Variants in NCOR2 observed in about 807,000 individuals in gnomAD.
NCOR2 encodes CTG repeat protein 26.
A neutral mutation model predicts 262.9 loss-of-function variants in NCOR2; 81 were observed. That is an observed-to-expected ratio of 0.31 (90% CI 0.26 to 0.37). The LOEUF (loss-of-function observed/expected upper bound fraction) is 0.37, where lower values mean the gene tolerates loss of function less well. NCOR2 is among the 10% of genes least tolerant of loss of function. NCOR2 has a pLI of 1.00. For missense variants in NCOR2, 3,385 were observed against 3,621.4 expected (o/e 0.93, Z 1.68); for synonymous variants, 1,659 against 1,559.3 (o/e 1.06, Z -1.51).
chr12:124,413,856 C>A (rs1010960078), intron 13 of NCOR2, among the ~76,000 whole-genome samples: 12 of 152,270 alleles, frequency 7.9e-5, no homozygotes, highest in Middle Eastern at 3.4e-3. Flanking sequence ...TGGCCAGCTG[C>A]TGTCCCCAGG....
chr12:124,537,044 C>T (rs766009021), upstream of NCOR2, among the ~76,000 whole-genome samples: 15 of 152,194 alleles, frequency 9.9e-5, no homozygotes, highest in Non-Finnish European at 2.1e-4. Context: ...TTCAAGGCTG[C>T]AGACTCTATG....
intron 20 of NCOR2, 63 bp downstream of exon 22, chr12:124,371,959 G>C (rs1398354912): frequency 1.4e-6 from 2 of 1,471,964 alleles, no homozygotes; most frequent in African/African-American, 2.8e-5. Context: ...TGTCTAAGTA[G>C]GTAGTCGCTG....
intron 27 of NCOR2, among the ~76,000 whole-genome samples, chr12:124,351,255 G>A (rs973093615): frequency 1.3e-5 from 2 of 152,170 alleles, no homozygotes; most frequent in African/African-American, 4.8e-5. Flanking sequence ...CCGTGACCAC[G>A]TCATGCACTT....
chr12:124,382,048 C>T (rs1237484317), intron 17 of NCOR2, among the ~76,000 whole-genome samples: 1 of 152,242 alleles, frequency 6.6e-6, no homozygotes, highest in Non-Finnish European at 1.5e-5. Context: ...CCTTCCTTCT[C>T]TGGCCAAGGG....
intron 2 of NCOR2, among the ~76,000 whole-genome samples, chr12:124,485,262 T>C (rs1292338166): frequency 6.6e-6 from 1 of 152,204 alleles, no homozygotes; most frequent in African/African-American, 2.4e-5. Flanking sequence ...CCTAGGGTCA[T>C]TGCAGATGGA....
intron 43 of NCOR2, 58 bp from the exon 46 acceptor site, chr12:124,330,956 A>G: frequency 6.5e-7 from 1 of 1,538,030 alleles, no homozygotes; most frequent in Non-Finnish European, 8.8e-7. Flanking sequence ...TACCTGCCCT[A>G]CCAGTCCCGT....
chr12:124,487,501 T>C (rs1260903906), intron 1 of NCOR2, among the ~76,000 whole-genome samples: 2 of 152,266 alleles, frequency 1.3e-5, no homozygotes, highest in Admixed American at 6.5e-5. Flanking sequence ...GCCTCGGCCT[T>C]GGCCTTGGCC....
At position 124,495,208 on chromosome 12, in the gene NCOR2, G is replaced by A. The variant is rs374998878; in HGVS notation, c.44C>T (p.Thr15Ile). 3 of 1,613,764 alleles carry A rather than the reference G, an allele frequency of 1.9e-6. No homozygotes were observed. The highest frequency in any genetic ancestry group is 2.5e-6 in the Non-Finnish European group (3 of 1,179,928). The change falls in exon 1 of 47, where the codon ACT becomes ATT. Residue 15 changes from threonine to isoleucine, a missense_variant. Coordinates refer to ENST00000405201, the Ensembl canonical transcript of NCOR2. This position sits in a 1 kb window ranked among gnomAD's most constrained non-coding sequence, Gnocchi z 4.4. ...GCTGTGGGGCGGGTAGCGGGGCTCA[G>A]TGGCCCTCCACGTCTGTGCCACAGG... is the stretch of plus-strand genomic sequence containing the variant.
chr12:124,469,532 A>G (rs983773596), intron 4 of NCOR2, among the ~76,000 whole-genome samples: 2 of 152,158 alleles, frequency 1.3e-5, no homozygotes, highest in African/African-American at 4.8e-5. Flanking sequence ...CTCAGGTACT[A>G]GAGAAAATAC....
intron 6 of NCOR2, among the ~76,000 whole-genome samples, chr12:124,450,493 G>A (rs1355401005): frequency 1.3e-5 from 2 of 152,122 alleles, no homozygotes; most frequent in African/African-American, 4.8e-5. Flanking sequence ...ACCAGGAGAC[G>A]GGCGCTAGGA....
chr12:124,551,779 A>C (rs1011085787), intron 1 of NCOR2, among the ~76,000 whole-genome samples: 3 of 152,166 alleles, frequency 2.0e-5, no homozygotes, highest in African/African-American at 7.2e-5. Context: ...GCCTGGGGGA[A>C]GGAGGCGCGG....
intron 4 of NCOR2, among the ~76,000 whole-genome samples, chr12:124,470,504 C>T (rs2046779603): frequency 6.6e-6 from 1 of 152,188 alleles, no homozygotes; most frequent in South Asian, 2.1e-4. Flanking sequence ...GAATATGTTT[C>T]AGCCATAAAA....
intron 4 of NCOR2, among the ~76,000 whole-genome samples, chr12:124,469,369 G>A (rs2046711500): frequency 6.6e-6 from 1 of 152,132 alleles, no homozygotes; most frequent in Non-Finnish European, 1.5e-5. Flanking sequence ...AACTGCCTCA[G>A]TCCCACAGCG....
exon 38 of NCOR2, chr12:124,336,824 G>A: frequency 6.2e-7 from 1 of 1,613,132 alleles, no homozygotes; most frequent in Non-Finnish European, 8.5e-7. Context: ...CGGGTCCGAG[G>A]CCGAGGCAGG....
chr12:124,379,808 G>A (rs1016590692), intron 17 of NCOR2, among the ~76,000 whole-genome samples: 3 of 152,246 alleles, frequency 2.0e-5, no homozygotes, highest in African/African-American at 7.2e-5. Context: ...CAACAGGACT[G>A]ACAGCCTTGG....
chr12:124,456,769 C>T (rs1193377638), intron 6 of NCOR2, among the ~76,000 whole-genome samples: 5 of 152,226 alleles, frequency 3.3e-5, no homozygotes, highest in Non-Finnish European at 7.3e-5. Context: ...ACCGGCTCTC[C>T]GCGCTCAGCT....
At chr12:124,543,196 G>A (rs972070285) in intron 1 of NCOR2, among the ~76,000 whole-genome samples, 15 of 152,272 alleles carry the variant, frequency 9.9e-5, no homozygotes, top group African/African-American at 3.6e-4. Context: ...GGGATGGGCC[G>A]CAGCCCCGTC....
At chr12:124,453,887 C>T (rs990886970) in intron 6 of NCOR2, among the ~76,000 whole-genome samples, 61 of 152,234 alleles carry the variant, frequency 4.0e-4, no homozygotes, top group Admixed American at 2.0e-4. Context: ...TATTTTCATC[C>T]TTTCCAATGC....
In NCOR2 at chr12:124,409,514, C is replaced by T. The variant is rs535601117; in HGVS notation, c.1483-6953G>A. 3.3e-5 allele frequency among the ~76,000 whole-genome samples: 5 copies of T among 152,368 alleles called. No homozygotes were observed. The South Asian group carries it at 1.0e-3, about 32-fold the overall frequency. On this transcript the variant is annotated intron_variant, in intron 13 of 46. Transcript: ENST00000405201. Reference sequence around the variant, plus strand: ...CCCAGCAGTGGCCTCCTGACCCTGGCTTACATGTTTGCCCTTCAACACTCT... The same window carrying T: ...CCCAGCAGTGGCCTCCTGACCCTGGTTTACATGTTTGCCCTTCAACACTCT...
Sources: gnomAD v4.1 joint callset for allele counts (sites outside exome capture counted in the v4.1 genomes callset) on GRCh38, gnomAD v4.1.1 for gene constraint, Gnocchi (gnomAD v3.1) non-coding constraint, MANE v1.5 for transcripts, NCBI Gene and HGNC (gene_info 2026-07-23, HGNC 2026-07-21) for gene names.